Variants in EEA1 observed in about 807,000 individuals in gnomAD.
EEA1 encodes the protein early endosome antigen 1, also known as early endosome antigen 1, 162kD.
A neutral mutation model predicts 209.2 loss-of-function variants in EEA1; 111 were observed. That is an observed-to-expected ratio of 0.53 (90% CI 0.45 to 0.62). EEA1 has a LOEUF of 0.62. Ranked by LOEUF, EEA1 falls within the 20% of genes least tolerant of loss-of-function variation. EEA1 has a pLI of 0.00. For missense variants in EEA1, 1,343 were observed against 1,530.8 expected (o/e 0.88, Z 2.05); for synonymous variants, 536 against 540.6 (o/e 0.99, Z 0.12).
intron 20 of EEA1, among the ~76,000 whole-genome samples, chr12:92,800,302 A>G (rs1874849902): frequency 6.6e-6 from 1 of 152,306 alleles, no homozygotes; most frequent in Non-Finnish European, 1.5e-5. Context: ...TTGTTTGTAC[A>G]ATCCACTAGG....
Position 92,853,940 on chromosome 12 carries a change from A to G in EEA1, c.381T>C (p.Asp127=), listed in dbSNP as rs1320735953. The G allele has an allele frequency of 6.3e-7, 1 of 1,599,544 alleles. No individual in the cohort carries two copies. The highest frequency in any genetic ancestry group is 8.5e-7 in the Non-Finnish European group (1 of 1,173,674). The stretch of plus-strand genomic sequence containing the variant: ...CTGCTGATGAATCAGTCACCAACCC[A>G]TCAGGTTTGGCCTCCTCAATTAAAA... The part of the protein sequence containing the change: ...QGLQQQEAKP[D]GLVTDSSAEL... The change falls in exon 6 of 29, where the codon GAT becomes GAC. Residue 127 remains aspartate (D), a synonymous_variant. Coordinates refer to ENST00000322349, the MANE Select transcript of EEA1 (RefSeq NM_003566.4).
intron 2 of EEA1, chr12:92,883,844 AAAC>A: frequency 6.2e-7 from 1 of 1,603,166 alleles, no homozygotes. Context: ...TTGAGCTTTA[AAAC>A]AACCGATGAG....
At chr12:92,815,676 T>C (rs777415344) in intron 15 of EEA1, among the ~76,000 whole-genome samples, 30 of 152,110 alleles carry the variant, frequency 2.0e-4, no homozygotes, top group Non-Finnish European at 3.8e-4. Flanking sequence ...GACTGCTATA[T>C]AGAATTCTGA....
intron 21 of EEA1, among the ~76,000 whole-genome samples, chr12:92,797,778 C>T (rs1874723810): frequency 6.6e-6 from 1 of 152,116 alleles, no homozygotes; most frequent in Non-Finnish European, 1.5e-5. Context: ...ACACATTTGT[C>T]TACTCTTGGT....
intron 13 of EEA1, among the ~76,000 whole-genome samples, chr12:92,824,092 T>C (rs1421134528): frequency 6.6e-6 from 1 of 152,210 alleles, no homozygotes; most frequent in African/African-American, 2.4e-5. Context: ...GACCTCCATA[T>C]TGCCAAATCC....
intron 1 of EEA1, among the ~76,000 whole-genome samples, chr12:92,908,664 T>A (rs1314885322): frequency 6.6e-6 from 1 of 152,114 alleles, no homozygotes; most frequent in Non-Finnish European, 1.5e-5. Flanking sequence ...GCCATAATAT[T>A]CATATTGTTA....
chr12:92,790,916 G>A (rs1349103919), intron 21 of EEA1, among the ~76,000 whole-genome samples: 1 of 152,232 alleles, frequency 6.6e-6, no homozygotes, highest in African/African-American at 2.4e-5. Context: ...CAGACTAACA[G>A]CAGATCTCTC....
At chr12:92,894,057 T>C (rs1431992751) in intron 1 of EEA1, among the ~76,000 whole-genome samples, 1 of 152,228 alleles carries the variant, frequency 6.6e-6, no homozygotes, top group African/African-American at 2.4e-5. Flanking sequence ...ATTTTGGTAA[T>C]TATCATAATA....
At chr12:92,804,547 G>C (rs1245721738) in intron 18 of EEA1, among the ~76,000 whole-genome samples, 1 of 147,724 alleles carries the variant, frequency 6.8e-6, no homozygotes, top group Non-Finnish European at 1.5e-5. Context: ...ATTCCAGCCT[G>C]GGCGACAGAG....
At chr12:92,873,588 G>A (rs1206447039) in intron 2 of EEA1, among the ~76,000 whole-genome samples, 2 of 152,156 alleles carry the variant, frequency 1.3e-5, no homozygotes, top group African/African-American at 4.8e-5. Flanking sequence ...AGTTATCAAA[G>A]TCACTTAGAA....
In EEA1 at chr12:92,816,412, G is replaced by A; in HGVS notation, c.1729-12C>T. 6.2e-7 allele frequency: 1 copy of A among 1,610,720 alleles called. No individual in the cohort carries two copies. Among genetic ancestry groups the A allele is most frequent in the Admixed American group, 1.7e-5 (1 of 59,826 alleles). ...GTTAGTTGAGTTACCTGTTATACAAGTAAGACTAATCGTGAAGTTCACAAA... is the reference window on the plus strand; with the variant it reads ...GTTAGTTGAGTTACCTGTTATACAAATAAGACTAATCGTGAAGTTCACAAA... On this transcript the variant is annotated splice_polypyrimidine_tract_variant and intron_variant, in intron 14 of 28. Coordinates refer to ENST00000322349, the MANE Select transcript of EEA1 (RefSeq NM_003566.4).
chr12:92,895,252 T>G (rs576927568), intron 1 of EEA1: 1 of 149,468 alleles, frequency 6.7e-6, no homozygotes, highest in South Asian at 2.1e-4. Context: ...GCCTCCCAAG[T>G]ACATGCCATT....
chr12:92,778,242 G>C, intron 25 of EEA1, 63 bp from the exon 26 acceptor site: 1 of 1,295,492 alleles, frequency 7.7e-7, no homozygotes, highest in Non-Finnish European at 1.1e-6. Context: ...AAATGTAAGT[G>C]ATTTATTACA....
intron 11 of EEA1, among the ~76,000 whole-genome samples, chr12:92,829,830 A>G (rs192492948): frequency 1.3e-5 from 2 of 151,988 alleles, no homozygotes; most frequent in East Asian, 3.9e-4. Flanking sequence ...CAGTAAAAAT[A>G]AAAAATGAGT....
At chr12:92,859,115 G>T (rs10859385) in intron 3 of EEA1, 10 of 1,057,372 alleles carry the variant, frequency 9.5e-6, no homozygotes, top group Middle Eastern at 2.2e-4. Flanking sequence ...AAGAGTGAGA[G>T]GGAGCTACTA....
In EEA1 at chr12:92,774,468, TG is replaced by T. The variant is rs985082800; in HGVS notation, c.*1542del. 2 of 151,668 alleles carry T rather than the reference TG, an allele frequency of 1.3e-5. No individual in the cohort carries two copies. Among genetic ancestry groups the T allele is most frequent in the African/African-American group, 4.8e-5 (2 of 41,412 alleles). The allele number at this position is 151,668 out of a possible 1,614,324, so 9.4% of individuals were successfully genotyped here. On this transcript the variant is annotated 3_prime_UTR_variant, in exon 29 of 29. Transcript: ENST00000322349. ...CTATTATAAATGAAATATTAACTAC[TG>T]TTATAAAATGATTGCACTGAATGAA...
intron 2 of EEA1, chr12:92,884,048 G>T: frequency 7.3e-7 from 1 of 1,374,608 alleles, no homozygotes; most frequent in Non-Finnish European, 1.0e-6. Flanking sequence ...GCTGTCTCAA[G>T]AGAAGATTCT....
At chr12:92,792,461 C>G (rs532029542) in intron 21 of EEA1, among the ~76,000 whole-genome samples, 19 of 152,142 alleles carry the variant, frequency 1.2e-4, no homozygotes, top group African/African-American at 2.6e-4. Context: ...CCACCGATCC[C>G]ACAGAAATAC....
At chr12:92,913,617 T>G (rs1166262427) in intron 1 of EEA1, among the ~76,000 whole-genome samples, 1 of 152,214 alleles carries the variant, frequency 6.6e-6, no homozygotes, top group Non-Finnish European at 1.5e-5. Context: ...AGAGAGATTT[T>G]CCTAGGTTTT....
Sources: allele counts gnomAD v4.1 joint callset (sites outside exome capture counted in the v4.1 genomes callset), GRCh38; gene constraint gnomAD v4.1.1; transcripts MANE v1.5; gene names NCBI Gene and HGNC (gene_info 2026-07-23, HGNC 2026-07-21).